NPSR1: variants seen among roughly 807,000 people sequenced by gnomAD.
The protein encoded by NPSR1 is neuropeptide S receptor 1.
Under a neutral mutation model 46.9 loss-of-function variants are expected in NPSR1, and 48 were observed. That is an observed-to-expected ratio of 1.02 (90% CI 0.81 to 1.30). The LOEUF is 1.30. NPSR1 is among the 50% of genes most tolerant of loss of function. NPSR1 has a pLI of 0.00. For missense variants in NPSR1, 450 were observed against 449.5 expected (o/e 1.00, Z -0.01); for synonymous variants, 176 against 168.1 (o/e 1.05, Z -0.36).
chr7:34,811,965 C>A, intron 4 of NPSR1, 102 bp downstream of exon 4: 1 of 724,946 alleles, frequency 1.4e-6, no homozygotes. Flanking sequence ...TGATCTTCCT[C>A]CTCTTTCCTT....
chr7:34,798,497 T>G (rs907336699), intron 3 of NPSR1, among the ~76,000 whole-genome samples: 9 of 152,162 alleles, frequency 5.9e-5, no homozygotes, highest in Non-Finnish European at 1.2e-4. Context: ...ATTGTACCAC[T>G]ACACTCCAGC....
intron 2 of NPSR1, among the ~76,000 whole-genome samples, chr7:34,715,207 T>A (rs1783501748): frequency 1.3e-5 from 2 of 152,196 alleles, no homozygotes; most frequent in Admixed American, 1.3e-4. Context: ...CAAGAAAAGT[T>A]ACCTAGTTTA....
intron 2 of NPSR1, among the ~76,000 whole-genome samples, chr7:34,773,365 T>C (rs1276534079): frequency 2.0e-5 from 3 of 152,186 alleles, no homozygotes; most frequent in Non-Finnish European, 2.9e-5. Context: ...TCAAGAGCTA[T>C]CCTACACCCC....
intron 1 of NPSR1, among the ~76,000 whole-genome samples, chr7:34,665,866 A>G (rs1791724340): frequency 1.3e-5 from 2 of 152,124 alleles, no homozygotes; most frequent in African/African-American, 4.8e-5. Flanking sequence ...ACAGTGACAG[A>G]CACACATGCC....
chr7:34,849,335 T>G, intron 8 of NPSR1: 7 of 1,549,936 alleles, frequency 4.5e-6, no homozygotes, highest in Non-Finnish European at 6.1e-6. Context: ...CTAATAGCAG[T>G]GTCTACCTGT....
intron 3 of NPSR1, among the ~76,000 whole-genome samples, chr7:34,790,499 T>C (rs1389515259): frequency 2.6e-5 from 4 of 151,398 alleles, no homozygotes; most frequent in African/African-American, 4.8e-5. Flanking sequence ...CTATTCAACA[T>C]AGTACTGGAA....
At chr7:34,662,069 G>A (rs1791478574) in intron 1 of NPSR1, among the ~76,000 whole-genome samples, 1 of 152,100 alleles carries the variant, frequency 6.6e-6, no homozygotes, top group African/African-American at 2.4e-5. Flanking sequence ...GTAACTGGGA[G>A]GGAGACCTGT....
intron 1 of NPSR1, 103 bp downstream of exon 1, chr7:34,658,662 GTTAT>G: frequency 1.7e-6 from 2 of 1,165,270 alleles, no homozygotes; most frequent in Non-Finnish European, 2.5e-6. Flanking sequence ...GTGAATGAGT[GTTAT>G]TTTCTTTACT....
intron 4 of NPSR1, among the ~76,000 whole-genome samples, chr7:34,821,968 A>G (rs182486036): frequency 1.2e-4 from 18 of 152,248 alleles, no homozygotes; most frequent in African/African-American, 4.1e-4. Flanking sequence ...ACAGGGGGAG[A>G]CCTGCATCTG....
At chr7:34,871,337 G>A (rs1254792972) in intron 8 of NPSR1, among the ~76,000 whole-genome samples, 1 of 151,556 alleles carries the variant, frequency 6.6e-6, no homozygotes, top group African/African-American at 2.4e-5. Context: ...AGTCAGGAGG[G>A]ATCCACCCCC....
intron 2 of NPSR1, among the ~76,000 whole-genome samples, chr7:34,766,310 A>G (rs1161441929): frequency 6.6e-6 from 1 of 152,126 alleles, no homozygotes; most frequent in Non-Finnish European, 1.5e-5. Flanking sequence ...GAAGTTAAAC[A>G]TATATTTACT....
At chr7:34,728,411 G>C (rs927536773) in intron 2 of NPSR1, among the ~76,000 whole-genome samples, 23 of 152,224 alleles carry the variant, frequency 1.5e-4, no homozygotes, top group African/African-American at 5.3e-4. Flanking sequence ...CGCTGGCAGA[G>C]CCAGTTCCCA....
At chr7:34,752,035 G>A in intron 2 of NPSR1, 5 of 725,590 alleles carry the variant, frequency 6.9e-6, no homozygotes, top group South Asian at 6.0e-5. Context: ...CGGTAGTCCT[G>A]TGGAAACTTC....
intron 2 of NPSR1, among the ~76,000 whole-genome samples, chr7:34,722,327 TA>T (rs577580136): frequency 6.6e-6 from 1 of 152,312 alleles, no homozygotes; most frequent in South Asian, 2.1e-4. Flanking sequence ...GTGGTATATG[TA>T]AAAAAACCAA....
At chr7:34,863,042 C>A (rs1403898326) in intron 8 of NPSR1, among the ~76,000 whole-genome samples, 1 of 151,722 alleles carries the variant, frequency 6.6e-6, no homozygotes, top group Admixed American at 6.6e-5. Flanking sequence ...ATATGTAGAC[C>A]TATGGAACAG....
chr7:34,776,327 G>A (rs1299919586), intron 2 of NPSR1, among the ~76,000 whole-genome samples: 2 of 152,078 alleles, frequency 1.3e-5, no homozygotes, highest in Non-Finnish European at 2.9e-5. Context: ...ATTGTATGGG[G>A]TCTATATCTC....
At chr7:34,825,169 T>C (rs1789764144) in intron 4 of NPSR1, among the ~76,000 whole-genome samples, 1 of 152,140 alleles carries the variant, frequency 6.6e-6, no homozygotes, top group South Asian at 2.1e-4. Flanking sequence ...CTCCAGGCCT[T>C]TTCTCCTTCA....
chr7:34,759,736 C>T (rs938273649), intron 2 of NPSR1, among the ~76,000 whole-genome samples: 7 of 152,182 alleles, frequency 4.6e-5, no homozygotes, highest in African/African-American at 1.7e-4. Flanking sequence ...TTCCACACCT[C>T]AATAGTTCTT....
intron 2 of NPSR1, among the ~76,000 whole-genome samples, chr7:34,705,564 G>A (rs528365070): frequency 6.6e-6 from 1 of 151,574 alleles, no homozygotes; most frequent in South Asian, 2.1e-4. Context: ...CTCCTGATTA[G>A]CATATCTTTA....
Sources: gnomAD v4.1 joint callset for allele counts (sites outside exome capture counted in the v4.1 genomes callset) on GRCh38, gnomAD v4.1.1 for gene constraint, MANE v1.5 for transcripts, NCBI Gene and HGNC (gene_info 2026-07-23, HGNC 2026-07-21) for gene names.